The following SCIMP variants were observed in gnomAD, a reference collection of about 807,000 sequenced individuals.
SCIMP encodes the protein SLP adaptor and CSK interacting membrane protein.
Under a neutral mutation model 22.0 loss-of-function variants are expected in SCIMP, and 18 were observed. The observed-to-expected ratio is 0.82, with a 90% CI of 0.56 to 1.21. The LOEUF (loss-of-function observed/expected upper bound fraction) is 1.21, where lower values mean the gene tolerates loss of function less well. Among genes scored for constraint, SCIMP ranks in the 50% most tolerant of loss-of-function variants. SCIMP has a pLI of 0.00. For synonymous variants in SCIMP, 53 were observed against 62.2 expected (o/e 0.85, Z 0.70); for missense variants, 155 against 171.2 (o/e 0.91, Z 0.53).
At chr17:5,228,908 G>A (rs1417578587) in intron 1 of SCIMP, among the ~76,000 whole-genome samples, 1 of 152,088 alleles carries the variant, frequency 6.6e-6, no homozygotes, top group African/African-American at 2.4e-5. Context: ...TCTTTCCCCT[G>A]CTATAGATGG....
chr17:5,227,508 G>A (rs1383854864), intron 1 of SCIMP, among the ~76,000 whole-genome samples: 1 of 152,122 alleles, frequency 6.6e-6, no homozygotes, highest in African/African-American at 2.4e-5. Context: ...GAGCCACCCT[G>A]CCCACCCAGA....
At position 5,210,453 on chromosome 17, in the gene SCIMP, A is replaced by G; in HGVS notation, c.*348T>C. On this transcript the variant is annotated 3_prime_UTR_variant, in exon 5 of 5. Coordinates refer to ENST00000574081, the MANE Select transcript of SCIMP (RefSeq NM_207103.3). ...GATTTAATATCACTCAGAACCATGC[A>G]AACCAAAGGGAATGAAGGGGGAAAG... 4.8e-6 allele frequency: 1 copy of G among 210,476 alleles called. No homozygotes were observed. Among genetic ancestry groups the G allele is most frequent in the Non-Finnish European group, 9.6e-6 (1 of 104,346 alleles). The allele number at this position is 210,476 out of a possible 1,614,324, so 13.0% of individuals were successfully genotyped here.
At chr17:5,227,515 C>A (rs1405262192) in intron 1 of SCIMP, among the ~76,000 whole-genome samples, 1 of 152,126 alleles carries the variant, frequency 6.6e-6, no homozygotes, top group Non-Finnish European at 1.5e-5. Context: ...CCTGCCCACC[C>A]AGAATGAACT....
chr17:5,214,772 G>A lies in SCIMP; in HGVS notation c.283+153C>T, dbSNP rs182436074. 965 of 565,328 alleles carry A rather than the reference G, an allele frequency of 1.7e-3. 14 individuals carry two copies. The highest frequency in any genetic ancestry group is 0.016 in the African/African-American group (848 of 51,698). 35.0% of individuals were successfully genotyped at this position (565,328 alleles called of 1,614,324 possible). ...GGAGAATGGCATGAACCCGGGAGGC[G>A]GAGCTTGCAGTGAGCCGAGATCGTG... On this transcript the variant is annotated intron_variant, in intron 4 of 4. Transcript: ENST00000574081.
intron 3 of SCIMP, among the ~76,000 whole-genome samples, chr17:5,219,933 G>A (rs2074593657): frequency 1.3e-5 from 2 of 152,154 alleles, no homozygotes; most frequent in Admixed American, 1.3e-4. Context: ...ACTGGGAGAG[G>A]ACAACTGCAA....
chr17:5,214,526 A>T (rs2074549617), intron 4 of SCIMP: 1 of 161,816 alleles, frequency 6.2e-6, no homozygotes, highest in African/African-American at 2.4e-5. Flanking sequence ...ACTGCACTCC[A>T]GCCTGGGGGA....
intron 4 of SCIMP, chr17:5,213,031 T>A: frequency 1.6e-6 from 1 of 643,120 alleles, no homozygotes; most frequent in Non-Finnish European, 1.9e-6. Flanking sequence ...ACTTCTGAGC[T>A]GACATCTGAA....
At position 5,229,862 on chromosome 17, in the gene SCIMP, T is replaced by C. The variant is rs186854576; in HGVS notation, c.21+4873A>G. ...CCATCTCCTTTCTCCCCTCTTCTCCTTTCTCCTCTCTGCTCCTCTCCTCTC... is the reference window on the plus strand; with the variant it reads ...CCATCTCCTTTCTCCCCTCTTCTCCCTTCTCCTCTCTGCTCCTCTCCTCTC... On this transcript the variant is annotated intron_variant, in intron 1 of 4. Coordinates refer to ENST00000574081, the MANE Select transcript of SCIMP (RefSeq NM_207103.3). Among the ~76,000 whole-genome samples the C allele has an allele frequency of 7.3e-4, 91 of 123,846 alleles. 1 individual carries two copies. The highest frequency in any genetic ancestry group is 8.3e-3 in the Middle Eastern group (2 of 242). 81.2% of individuals were successfully genotyped at this position (123,846 alleles called of 152,430 possible). A position where few individuals can be genotyped will look rare whatever the true frequency, so the allele number is the denominator to read the frequency against.
intron 1 of SCIMP, among the ~76,000 whole-genome samples, chr17:5,230,557 G>A (rs956009005): frequency 1.3e-5 from 2 of 152,100 alleles, no homozygotes; most frequent in African/African-American, 4.8e-5. Flanking sequence ...TGAACCCGAG[G>A]GCTAGATTAG....
Position 5,222,383 on chromosome 17 carries a change from G to A in SCIMP, c.145+950C>T, listed in dbSNP as rs143780277. 7.6e-4 allele frequency among the ~76,000 whole-genome samples: 116 copies of A among 152,118 alleles called. 1 individual carries two copies. Among genetic ancestry groups the A allele is most frequent in the African/African-American group, 2.7e-3 (111 of 41,512 alleles). ...TGGGATTACAGGCGTGAGCCACCGC[G>A]CCCGGCCAGGTTGTTATTTAAAGGA... On this transcript the variant is annotated intron_variant, in intron 2 of 4. Transcript: ENST00000574081.
chr17:5,222,109 A>G (rs1477301715), intron 2 of SCIMP, among the ~76,000 whole-genome samples: 1 of 143,982 alleles, frequency 6.9e-6, no homozygotes, highest in East Asian at 2.1e-4. Context: ...TTTTTTTTTA[A>G]GATGGAGTCT....
intron 3 of SCIMP, among the ~76,000 whole-genome samples, chr17:5,220,011 C>T (rs2074594173): frequency 6.6e-6 from 1 of 152,176 alleles, no homozygotes; most frequent in South Asian, 2.1e-4. Flanking sequence ...AATCTGTATT[C>T]TTTCGCCATA....
chr17:5,231,790 C>T (rs2074696727), intron 1 of SCIMP, among the ~76,000 whole-genome samples: 1 of 152,212 alleles, frequency 6.6e-6, no homozygotes, highest in African/African-American at 2.4e-5. Context: ...CGCGGTGGCT[C>T]ACGCCTGTAA....
At chr17:5,221,216 T>C (rs768714355) in intron 3 of SCIMP, 71 bp downstream of exon 3, 28 of 1,109,510 alleles carry the variant, frequency 2.5e-5, no homozygotes, top group Non-Finnish European at 3.2e-5. Flanking sequence ...GGTACGGTAG[T>C]GGAGGGGCAA....
At chr17:5,229,384 CTTTTTTTTTTTT>C (rs71151849) in intron 1 of SCIMP, among the ~76,000 whole-genome samples, 3 of 59,284 alleles carry the variant, frequency 5.1e-5, no homozygotes, top group Non-Finnish European at 9.4e-5. Flanking sequence ...GTTTATTTAG[CTTTTTTTTTTTT>C]TTTTTTTTTT....
intron 3 of SCIMP, among the ~76,000 whole-genome samples, chr17:5,217,248 G>C (rs1195149056): frequency 6.6e-6 from 1 of 152,118 alleles, no homozygotes; most frequent in Non-Finnish European, 1.5e-5. Flanking sequence ...CTACTCGGTG[G>C]GGGAGACCTG....
At chr17:5,218,174 C>T (rs949972781) in intron 3 of SCIMP, among the ~76,000 whole-genome samples, 12 of 151,734 alleles carry the variant, frequency 7.9e-5, no homozygotes, top group Non-Finnish European at 1.5e-4. Context: ...TACAGGCAGA[C>T]ACCACCACAC....
At position 5,223,393 on chromosome 17, in the gene SCIMP, C is replaced by T. The variant is rs200696256; in HGVS notation, c.85G>A (p.Val29Ile). The change falls in exon 2 of 5, where the codon GTT becomes ATT. Residue 29 changes from valine to isoleucine, a missense_variant. Val to Ile is a conservative substitution (Grantham distance 29, BLOSUM62 3). Transcript: ENST00000574081. ...ATGAGGCCCAGACCCACAGAGACAA[C>T]GATGATGGCCACAGCTAAGATGATC... is the stretch of plus-strand genomic sequence containing the variant. ...FWIILAVAII[V>I]VSVGLGLILY... 35 of 1,613,748 alleles carry T rather than the reference C, an allele frequency of 2.2e-5. No individual in the cohort carries two copies. Among genetic ancestry groups the T allele is most frequent in the African/African-American group, 1.2e-4 (9 of 74,994 alleles).
chr17:5,224,493 T>C (rs2439944), intron 1 of SCIMP, among the ~76,000 whole-genome samples: 132,432 of 150,796 alleles, frequency 0.88, 58,865 homozygotes, highest in Middle Eastern at 0.92. Context: ...GACAGAGGCT[T>C]GCTCTGTCGC....
Sources: allele counts gnomAD v4.1 joint callset (sites outside exome capture counted in the v4.1 genomes callset), GRCh38; gene constraint gnomAD v4.1.1; transcripts MANE v1.5; gene names NCBI Gene and HGNC (gene_info 2026-07-23, HGNC 2026-07-21).